Variants in MIPOL1 observed in about 807,000 individuals in gnomAD.
MIPOL1 encodes the protein mirror-image polydactyly 1.
In MIPOL1, 57 loss-of-function variants were observed where a neutral mutation model predicts 60.9. The observed-to-expected ratio is 0.94, with a 90% CI of 0.76 to 1.17. The LOEUF is 1.17. Among genes scored for constraint, MIPOL1 ranks in the 50% most tolerant of loss-of-function variants. The pLI is 0.00. For synonymous variants in MIPOL1, 179 were observed against 168.8 expected, an observed-to-expected ratio of 1.06 and a Z score of -0.47; for missense variants, 551 against 511.6, an observed-to-expected ratio of 1.08 and a Z score of -0.74.
At chr14:37,482,996 A>C (rs1035386593) in intron 11 of MIPOL1, among the ~76,000 whole-genome samples, 2 of 152,104 alleles carry the variant, frequency 1.3e-5, no homozygotes, top group Non-Finnish European at 2.9e-5. Flanking sequence ...TATATACCTT[A>C]AATCATCTCT....
At chr14:37,544,352 C>T (rs746248618) in intron 12 of MIPOL1, among the ~76,000 whole-genome samples, 4 of 152,180 alleles carry the variant, frequency 2.6e-5, no homozygotes, top group Non-Finnish European at 4.4e-5. Context: ...TCTCCTCCTC[C>T]TCACAACCTT....
chr14:37,296,529 A>G (rs2085704889), intron 7 of MIPOL1, among the ~76,000 whole-genome samples: 1 of 152,234 alleles, frequency 6.6e-6, no homozygotes, highest in African/African-American at 2.4e-5. Context: ...GGTTTTTTGA[A>G]AAGATCAACA....
At chr14:37,394,852 A>G (rs971022956) in intron 10 of MIPOL1, among the ~76,000 whole-genome samples, 9 of 152,078 alleles carry the variant, frequency 5.9e-5, no homozygotes, top group African/African-American at 1.2e-4. Flanking sequence ...GCCAGTATCT[A>G]TAAGGGTTTT....
chr14:37,270,516 A>G lies in MIPOL1; in HGVS notation c.484A>G (p.Lys162Glu). 6.3e-7 allele frequency: 1 copy of G among 1,585,674 alleles called. No individual in the cohort carries two copies. The highest frequency in any genetic ancestry group is 1.7e-5 in the Admixed American group (1 of 57,670). Residue 162 changes from lysine (K) to glutamate (E), a missense_variant, in exon 6 of 13, where the codon AAG becomes GAG. Physicochemically the swap from Lys to Glu is moderately conservative, Grantham distance 56. Transcript: ENST00000684589. ...AGAAACAGAAGCTAAAATTGCTGAA[A>G]AGACAGCAGGTATAGTAGAGGAGTA... ...EKETEAKIAE[K>E]TAALVEEVYF... is the part of the protein sequence containing the mutation.
At chr14:37,477,824 G>T (rs1359674124) in intron 11 of MIPOL1, among the ~76,000 whole-genome samples, 1 of 152,236 alleles carries the variant, frequency 6.6e-6, no homozygotes, top group Non-Finnish European at 1.5e-5. Context: ...GTGCAGGCTG[G>T]ATGCATGAAC....
intron 1 of MIPOL1, among the ~76,000 whole-genome samples, chr14:37,216,062 C>CA (rs71449980): frequency 0.026 from 2,240 of 85,602 alleles, 54 homozygotes; most frequent in African/African-American, 0.053. Context: ...ACCTCCATCT[C>CA]AAAAAAAAAA....
At chr14:37,411,161 A>G (rs578137938) in intron 10 of MIPOL1, among the ~76,000 whole-genome samples, 44 of 152,288 alleles carry the variant, frequency 2.9e-4, no homozygotes, top group African/African-American at 9.9e-4. Context: ...TGTTATAGCT[A>G]TATTAACATC....
chr14:37,551,658 G>C (rs974428094), downstream of MIPOL1: 2 of 151,742 alleles, frequency 1.3e-5, no homozygotes, highest in African/African-American at 4.8e-5. Flanking sequence ...GGATCACAAG[G>C]TCAGGAGATT....
intron 10 of MIPOL1, among the ~76,000 whole-genome samples, chr14:37,378,911 A>G (rs2092849366): frequency 6.6e-6 from 1 of 152,156 alleles, no homozygotes; most frequent in African/African-American, 2.4e-5. Context: ...TTAAGCCAAG[A>G]TCATTCTAAT....
At chr14:37,257,536 A>G (rs1188172681) in intron 3 of MIPOL1, among the ~76,000 whole-genome samples, 1 of 152,114 alleles carries the variant, frequency 6.6e-6, no homozygotes, top group African/African-American at 2.4e-5. Flanking sequence ...CCATCTTGAC[A>G]TTTTTTATCT....
At chr14:37,524,952 T>G (rs552612798) in intron 12 of MIPOL1, among the ~76,000 whole-genome samples, 1 of 152,222 alleles carries the variant, frequency 6.6e-6, no homozygotes, top group East Asian at 1.9e-4. Flanking sequence ...ATGAGCATGA[T>G]TATTATCACA....
intron 7 of MIPOL1, among the ~76,000 whole-genome samples, chr14:37,307,565 A>G (rs372721524): frequency 6.6e-6 from 1 of 152,030 alleles, no homozygotes; most frequent in Non-Finnish European, 1.5e-5. Flanking sequence ...TTTCATAATA[A>G]CAAATAGGTA....
intron 1 of MIPOL1, among the ~76,000 whole-genome samples, chr14:37,226,725 G>C (rs1446590206): frequency 6.6e-6 from 1 of 152,126 alleles, no homozygotes; most frequent in African/African-American, 2.4e-5. Flanking sequence ...GATTGCTTGA[G>C]CCTGGGAGTT....
At chr14:37,311,536 C>CAATA (rs1271049474) in intron 9 of MIPOL1, among the ~76,000 whole-genome samples, 1 of 152,132 alleles carries the variant, frequency 6.6e-6, no homozygotes, top group Admixed American at 6.5e-5. Context: ...CCCTCTGGCT[C>CAATA]AATAAATACT....
chr14:37,275,028 TTTA>T, intron 6 of MIPOL1, among the ~76,000 whole-genome samples: 1 of 151,422 alleles, frequency 6.6e-6, no homozygotes, highest in South Asian at 2.1e-4. Context: ...AGAATTTTTA[TTTA>T]TTATTTAATT....
intron 4 of MIPOL1, 100 bp from the exon 5 acceptor site, chr14:37,268,558 G>A: frequency 1.2e-6 from 1 of 842,838 alleles, no homozygotes; most frequent in East Asian, 3.0e-5. Context: ...CTTCCTTTAT[G>A]GTGTTTGCTT....
intron 7 of MIPOL1, among the ~76,000 whole-genome samples, chr14:37,293,506 G>A (rs938903631): frequency 2.6e-5 from 4 of 152,268 alleles, no homozygotes; most frequent in South Asian, 4.1e-4. Context: ...AAAGCAAGGC[G>A]AGGCATCGTG....
At chr14:37,414,766 A>G (rs1210153403) in intron 10 of MIPOL1, among the ~76,000 whole-genome samples, 2 of 152,196 alleles carry the variant, frequency 1.3e-5, no homozygotes, top group Non-Finnish European at 2.9e-5. Context: ...AACCGAATCC[A>G]AGTAAACAGG....
chr14:37,324,602 G>T (rs1054243128), intron 9 of MIPOL1, among the ~76,000 whole-genome samples: 3 of 151,964 alleles, frequency 2.0e-5, no homozygotes, highest in African/African-American at 7.2e-5. Flanking sequence ...TATTTTAGTT[G>T]TCTTGTTTAA....
Sources: allele counts gnomAD v4.1 joint callset (sites outside exome capture counted in the v4.1 genomes callset), GRCh38; gene constraint gnomAD v4.1.1; transcripts MANE v1.5; gene names NCBI Gene and HGNC (gene_info 2026-07-23, HGNC 2026-07-21).